The following DPP7 variants were observed in gnomAD, a reference collection of about 807,000 sequenced individuals.
The protein encoded by DPP7 is dipeptidyl peptidase 2.
Under a neutral mutation model 58.8 loss-of-function variants are expected in DPP7, and 74 were observed. The ratio of observed to expected loss-of-function variants is 1.26; its 90% CI spans 1.04 to 1.53. DPP7 has a LOEUF of 1.53. Among genes scored for constraint, DPP7 ranks in the 40% most tolerant of loss-of-function variants. DPP7 has a pLI of 0.00. For synonymous variants in DPP7, 350 were observed against 303.6 expected (o/e 1.15, Z -1.59); for missense variants, 807 against 692.3 (o/e 1.17, Z -1.86).
At position 137,113,023 on chromosome 9, in the gene DPP7, G is replaced by GTGA; in HGVS notation, c.797_799dup (p.Phe266_Thr267insIle). The GTGA allele has an allele frequency of 1.2e-6, 2 of 1,613,824 alleles. No homozygotes were observed. The highest frequency in any genetic ancestry group is 1.7e-6 in the Non-Finnish European group (2 of 1,180,020). ...GGGGTAGTCCATCATGGCCAGCACG[G>GTGA]TGAAGGCATTCCGGGCGAACATGAA... On this transcript the variant is annotated inframe_insertion, in exon 7 of 13. Transcript: ENST00000371579.
intron 11 of DPP7, 48 bp from the exon 12 acceptor site, chr9:137,110,998 C>T (rs376545317): frequency 1.9e-6 from 3 of 1,584,906 alleles, no homozygotes; most frequent in Non-Finnish European, 2.6e-6. Context: ...GAGGCAACTG[C>T]CCAGCCTCCG....
In DPP7 at chr9:137,113,023, G is replaced by C; in HGVS notation, c.800C>G (p.Thr267Ser). 3.1e-6 allele frequency: 5 copies of C among 1,613,824 alleles called. No homozygotes were observed. Among genetic ancestry groups the C allele is most frequent in the Non-Finnish European group, 4.2e-6 (5 of 1,180,020 alleles). Residue 267 changes from threonine to serine, a missense_variant, in exon 7 of 13, where the codon ACC (threonine) becomes AGC (serine). Transcript: ENST00000371579. ...QLFMFARNAF[T>S]VLAMMDYPYP... ...GGGGTAGTCCATCATGGCCAGCACG[G>C]TGAAGGCATTCCGGGCGAACATGAA...
upstream of DPP7, chr9:137,114,940 C>T (rs1831584994): frequency 1.2e-5 from 4 of 332,306 alleles, no homozygotes; most frequent in African/African-American, 4.3e-5. Context: ...CGGGCCATCT[C>T]CGCGGCCTCC....
At position 137,114,677 on chromosome 9, in the gene DPP7, C is replaced by T; in HGVS notation, c.37G>A (p.Ala13Thr). The change falls in exon 1 of 13, where the codon GCG (alanine) becomes ACG (threonine). Residue 13 changes from alanine (A) to threonine (T), a missense_variant. By Grantham distance (58) the Ala-to-Thr change is moderately conservative (BLOSUM62 0). Transcript: ENST00000371579. ...SAPWAPVLLL[A>T]LGLRGLQAGA... ...GCCTGGAGGCCGCGCAGCCCGAGCG[C>T]CAGCAGCAGGACCGGGGCCCAGGGA... 7.4e-7 allele frequency: 1 copy of T among 1,357,894 alleles called. No individual in the cohort carries two copies. Among genetic ancestry groups the T allele is most frequent in the Non-Finnish European group, 9.5e-7 (1 of 1,057,092 alleles). 84.1% of individuals were successfully genotyped at this position (1,357,894 alleles called of 1,614,324 possible). A position where few individuals can be genotyped will look rare whatever the true frequency, so the allele number is the denominator to read the frequency against.
At chr9:137,114,840 G>A (rs1016066987), upstream of DPP7, 40 of 611,278 alleles carry the variant, frequency 6.5e-5, no homozygotes, top group Non-Finnish European at 7.9e-5. Context: ...CTTCAGCGCC[G>A]CGCCGGGGCT....
rs1831307602 is a variant in DPP7 at position 137,110,614 on chromosome 9, C to T, written c.*34G>A. 1.9e-6 allele frequency: 3 copies of T among 1,597,476 alleles called. No homozygotes were observed. The highest frequency in any genetic ancestry group is 2.6e-6 in the Non-Finnish European group (3 of 1,172,562). On this transcript the variant is annotated 3_prime_UTR_variant, in exon 13 of 13. Transcript: ENST00000371579. ...AGCTGCTTGAGTGAAGCCCCCACTC[C>T]ATGAGGAGCCTTGAGACCCCTCCAG... is the stretch of plus-strand genomic sequence containing the variant.
rs748860576 is a variant in DPP7, at chr9:137,112,228, G to A, written c.934C>T (p.Leu312=). 9 of 1,597,622 alleles carry A rather than the reference G, an allele frequency of 5.6e-6. No individual in the cohort carries two copies. The highest frequency in any genetic ancestry group is 7.6e-6 in the Non-Finnish European group (9 of 1,178,564). ...TCGGAGCCCGAGGCGTTGTAGACCA[G>A]CCCTGGGGAGGAGAGGCGCTGGGGC... ...RITGLRALAG[L]VYNASGSEHC... is the part of the protein sequence containing the mutation. The change falls in exon 9 of 13, where the codon CTG becomes TTG. Residue 312 remains leucine, a splice_region_variant and synonymous_variant. Coordinates refer to ENST00000371579, the MANE Select transcript of DPP7 (RefSeq NM_013379.3).
rs1485353240 is a variant in DPP7, at chr9:137,114,493, T to C, written c.151A>G (p.Lys51Glu). ...ACCAGGAAGCGCTGAGGGAAGGTCTTGTTGCCGAAGCGCTCGAAGTTGAAG... is the reference window on the plus strand; with the variant it reads ...ACCAGGAAGCGCTGAGGGAAGGTCTCGTTGCCGAAGCGCTCGAAGTTGAAG... ...DHFNFERFGN[K>E]TFPQRFLVSD... The change falls in exon 2 of 13, where the codon AAG becomes GAG. Residue 51 changes from lysine to glutamate, a missense_variant. Transcript: ENST00000371579. 1 of 1,581,786 alleles carries C rather than the reference T, an allele frequency of 6.3e-7. No individual in the cohort carries two copies. Among genetic ancestry groups the C allele is most frequent in the East Asian group, 2.3e-5 (1 of 43,116 alleles).
At chr9:137,116,539 G>C (rs910869407), upstream of DPP7, among the ~76,000 whole-genome samples, 1 of 152,384 alleles carries the variant, frequency 6.6e-6, no homozygotes, top group East Asian at 1.9e-4. Context: ...GGGACACAGT[G>C]CACTGCGGAA....
chr9:137,113,076 C>G lies in DPP7; in HGVS notation c.747G>C (p.Leu249=), dbSNP rs1472612111. ...GCTGGGTCAGGTCCTTCTCGTCTGA[C>G]AGCGGCTGGCAGGTGCCGAACTCCC... ...VRWEFGTCQP[L]SDEKDLTQLF... The change falls in exon 7 of 13, where the codon CTG becomes CTC. Residue 249 remains leucine (L), a synonymous_variant. Transcript: ENST00000371579. 1 of 1,613,876 alleles carries G rather than the reference C, an allele frequency of 6.2e-7. No individual in the cohort carries two copies. The highest frequency in any genetic ancestry group is 8.5e-7 in the Non-Finnish European group (1 of 1,180,030).
rs759253327 is a variant in DPP7 at position 137,114,271 on chromosome 9, C to A, written c.293G>T (p.Arg98Leu). The change falls in exon 3 of 13, where the codon CGG becomes CTG. Residue 98 changes from arginine (R) to leucine (L), a missense_variant. This residue lies in a region of DPP7 where 15 missense variants were observed against 37.0 expected (regional missense o/e 0.41). Transcript: ENST00000371579. ...SAFVAELAAE[R>L]GALLVFAEHR... is the part of the protein sequence containing the mutation. ...CTCCGCGAAGACCAGTAGAGCCCCCCGCTCGGCCGCCAGCTCCGCGACGAA... is the reference window on the plus strand; with the variant it reads ...CTCCGCGAAGACCAGTAGAGCCCCCAGCTCGGCCGCCAGCTCCGCGACGAA... 6.2e-7 allele frequency: 1 copy of A among 1,601,070 alleles called. No individual in the cohort carries two copies. Among genetic ancestry groups the A allele is most frequent in the Non-Finnish European group, 8.5e-7 (1 of 1,175,148 alleles).
At chr9:137,114,621 A>G (rs1410967811) in intron 1 of DPP7, 26 bp downstream of exon 1, 22 of 1,416,534 alleles carry the variant, frequency 1.6e-5, no homozygotes, top group Non-Finnish European at 1.8e-6. Flanking sequence ...GGACCGGGGA[A>G]TGGGCCGGGG....
rs1325764069 is a variant in DPP7 at position 137,112,748 on chromosome 9, C to G, written c.928G>C (p.Ala310Pro). Residue 310 changes from alanine (A) to proline (P), a missense_variant, in exon 8 of 13, where the codon GCA becomes CCA. Ala to Pro is a conservative substitution (Grantham distance 27). Transcript: ENST00000371579. ...AQRITGLRAL[A>P]GLVYNASGSE... ...TCTGGGGCCGGGGGAAGGGCACCTG[C>G]CAGTGCTCGCAGCCCCGTGATCCTC... is the stretch of plus-strand genomic sequence containing the variant. 2 of 1,604,164 alleles carry G rather than the reference C, an allele frequency of 1.2e-6. No homozygotes were observed. The highest frequency in any genetic ancestry group is 2.2e-5 in the South Asian group (2 of 89,800).
rs1360796049 is a variant in DPP7 at position 137,113,851 on chromosome 9, G to A, written c.485+14C>T. The A allele has an allele frequency of 2.7e-6, 4 of 1,502,764 alleles. No individual in the cohort carries two copies. The highest frequency in any genetic ancestry group is 1.4e-5 in the African/African-American group (1 of 72,366). The allele number at this position is 1,502,764 out of a possible 1,614,324, so 93.1% of individuals were successfully genotyped here. On this transcript the variant is annotated intron_variant, in intron 4 of 12. Coordinates refer to ENST00000371579, the MANE Select transcript of DPP7 (RefSeq NM_013379.3). ...GGGGAGGGAGGGGGTGCGGAGGCCGGGGGAGGCGCCCACCTTCCACCGAAG... is the reference window on the plus strand; with the variant it reads ...GGGGAGGGAGGGGGTGCGGAGGCCGAGGGAGGCGCCCACCTTCCACCGAAG...
Position 137,113,126 on chromosome 9 carries a change from G to C in DPP7, c.704-7C>G. ...CAGCGGACCGTGTCGTAGGCTGCGT[G>C]GAAGGGGCAGAGACTTGAAGTTTGG... is the stretch of plus-strand genomic sequence containing the variant. On this transcript the variant is annotated splice_polypyrimidine_tract_variant and splice_region_variant and intron_variant, in intron 6 of 12. Transcript: ENST00000371579. The C allele has an allele frequency of 6.2e-7, 1 of 1,613,810 alleles. No homozygotes were observed. The highest frequency in any genetic ancestry group is 8.5e-7 in the Non-Finnish European group (1 of 1,180,024).
At position 137,112,802 on chromosome 9, in the gene DPP7, C is replaced by T; in HGVS notation, c.874G>A (p.Gly292Ser). ...GCCTCACTCAGCAGCCGATCACAGCCCACCTGGAGTGCAGGGGCAGCGGCG... is the reference window on the plus strand; with the variant it reads ...GCCTCACTCAGCAGCCGATCACAGCTCACCTGGAGTGCAGGGGCAGCGGCG... ...GPLPANPVKV[G>S]CDRLLSEAQR... is the part of the protein sequence containing the mutation. The change falls in exon 8 of 13, where the codon GGC becomes AGC. Residue 292 changes from glycine (G) to serine (S), a missense_variant. Gly to Ser is a moderately conservative substitution (Grantham distance 56). Around this residue, in one of 3 missense-constraint regions of DPP7, gnomAD observed 624 missense variants for 531.2 expected, o/e 1.17. Coordinates refer to ENST00000371579, the MANE Select transcript of DPP7 (RefSeq NM_013379.3). The T allele has an allele frequency of 1.2e-6, 2 of 1,609,724 alleles. No individual in the cohort carries two copies. Among genetic ancestry groups the T allele is most frequent in the Non-Finnish European group, 1.7e-6 (2 of 1,179,482 alleles).
At position 137,113,068 on chromosome 9, in the gene DPP7, T is replaced by A; in HGVS notation, c.755A>T (p.Glu252Val). The A allele has an allele frequency of 1.2e-6, 2 of 1,613,920 alleles. No individual in the cohort carries two copies. The highest frequency in any genetic ancestry group is 1.7e-6 in the Non-Finnish European group (2 of 1,180,014). Residue 252 changes from glutamate (E) to valine (V), a missense_variant, in exon 7 of 13, where the codon GAG (glutamate) becomes GTG (valine). Transcript: ENST00000371579. The stretch of plus-strand genomic sequence containing the variant: ...CATGAAGAGCTGGGTCAGGTCCTTC[T>A]CGTCTGACAGCGGCTGGCAGGTGCC... ...EFGTCQPLSDEKDLTQLFMFA... is the reference protein window; with the variant it reads ...EFGTCQPLSDVKDLTQLFMFA...
At position 137,113,460 on chromosome 9, in the gene DPP7, C is replaced by T. The variant is rs145102569; in HGVS notation, c.522G>A (p.Lys174=). The change falls in exon 5 of 13, where the codon AAG becomes AAA. Residue 174 remains lysine, a synonymous_variant. Coordinates refer to ENST00000371579, the MANE Select transcript of DPP7 (RefSeq NM_013379.3). ...GCGCCCCCGCCACCAGGTGGGGATA[C>T]TTCATCCTCAGGTAGGCACTGAGCA... ...GGMLSAYLRM[K]YPHLVAGALA... 108 of 1,601,722 alleles carry T rather than the reference C, an allele frequency of 6.7e-5. No homozygotes were observed. Among genetic ancestry groups the T allele is most frequent in the Non-Finnish European group, 8.9e-5 (104 of 1,172,882 alleles).
chr9:137,115,508 A>G (rs1412186571), upstream of DPP7, among the ~76,000 whole-genome samples: 1 of 152,114 alleles, frequency 6.6e-6, no homozygotes, highest in Admixed American at 6.5e-5. Flanking sequence ...GGGGATGTAC[A>G]TGGGCCGCTA....
Sources: allele counts gnomAD v4.1 joint callset (sites outside exome capture counted in the v4.1 genomes callset), GRCh38; gene constraint gnomAD v4.1.1; regional missense constraint gnomAD v4.1.1; transcripts MANE v1.5; gene names NCBI Gene and HGNC (gene_info 2026-07-23, HGNC 2026-07-21).